The following ANXA11 variants were observed in gnomAD, a reference collection of about 807,000 sequenced individuals.
ANXA11 encodes the protein 56 kDa autoantigen.
In ANXA11, 57 loss-of-function variants were observed where a neutral mutation model predicts 64.7. The observed-to-expected ratio is 0.88, with a 90% CI of 0.71 to 1.10. ANXA11 has a LOEUF of 1.10. ANXA11 is among the 50% of genes least tolerant of loss of function. The probability of loss-of-function intolerance (pLI) is 0.00; values close to 1 mark genes in which losing one functional copy is unlikely to be tolerated. For synonymous variants in ANXA11, 260 were observed against 265.2 expected (o/e 0.98, Z 0.19); for missense variants, 675 against 670.7 (o/e 1.01, Z -0.07).
At chr10:80,199,625 G>A (rs1237519258) in intron 1 of ANXA11, among the ~76,000 whole-genome samples, 2 of 151,930 alleles carry the variant, frequency 1.3e-5, no homozygotes, top group East Asian at 1.9e-4. Flanking sequence ...GGGCAACATG[G>A]CAAAACCCCA....
chr10:80,165,851 CT>C (rs1352233984), intron 8 of ANXA11, among the ~76,000 whole-genome samples: 1 of 152,280 alleles, frequency 6.6e-6, no homozygotes, highest in East Asian at 1.9e-4. Flanking sequence ...CTGATGATGA[CT>C]GGTGCGTCAT....
chr10:80,178,014 G>A (rs1846229543), intron 1 of ANXA11, among the ~76,000 whole-genome samples: 1 of 152,120 alleles, frequency 6.6e-6, no homozygotes, highest in South Asian at 2.1e-4. Flanking sequence ...CAGTCTTCTG[G>A]TAACTGTGAC....
intron 2 of ANXA11, among the ~76,000 whole-genome samples, chr10:80,175,774 C>T (rs12777867): frequency 0.11 from 17,241 of 152,128 alleles, 1,202 homozygotes; most frequent in South Asian, 0.24. Flanking sequence ...ACACAGATGT[C>T]GGCTGGGCGC....
rs1391901363 is a variant in ANXA11 at position 80,166,160 on chromosome 10, T to C, written c.782A>G (p.Asn261Ser). 1 of 1,613,092 alleles carries C rather than the reference T, an allele frequency of 6.2e-7. No homozygotes were observed. The highest frequency in any genetic ancestry group is 1.1e-5 in the South Asian group (1 of 90,956). The change falls in exon 8 of 16, where the codon AAC becomes AGC. Residue 261 changes from asparagine (N) to serine (S), a missense_variant. Transcript: ENST00000422982. ...CAGAGCCAAGATTGTCTTCTCAAAG[T>C]TTCCTGACAGTTCAGATTTCAGATC... ...IKDLKSELSG[N>S]FEKTILALMK...
chr10:80,163,225 C>T (rs1481282176), intron 11 of ANXA11, 124 bp downstream of exon 11: 3 of 1,095,238 alleles, frequency 2.7e-6, no homozygotes, highest in Non-Finnish European at 4.1e-6. Context: ...GTCTGAAACT[C>T]ACAGCATCTG....
chr10:80,163,096 A>ACG (rs1845577573), intron 11 of ANXA11, among the ~76,000 whole-genome samples: 1 of 152,210 alleles, frequency 6.6e-6, no homozygotes, highest in African/African-American at 2.4e-5. Context: ...GTCCAAAACC[A>ACG]TGATCTATCA....
At position 80,158,031 on chromosome 10, in the gene ANXA11, A is replaced by G. The variant is rs1248670277; in HGVS notation, c.1277-6T>C. 3 of 1,614,036 alleles carry G rather than the reference A, an allele frequency of 1.9e-6. No homozygotes were observed. The highest frequency in any genetic ancestry group is 3.3e-5 in the Admixed American group (2 of 60,024). On this transcript the variant is annotated splice_polypyrimidine_tract_variant and splice_region_variant and intron_variant, in intron 13 of 15. Transcript: ENST00000422982. ...GGTATTCTTGAGACATTTCACTAGA[A>G]GAGAGAAACTCGGCATAACCAGATC...
At position 80,169,174 on chromosome 10, in the gene ANXA11, G is replaced by A. The variant is rs1378932816; in HGVS notation, c.356C>T (p.Ser119Leu). 6.3e-7 allele frequency: 1 copy of A among 1,592,922 alleles called. No homozygotes were observed. The highest frequency in any genetic ancestry group is 1.1e-5 in the South Asian group (1 of 88,578). Residue 119 changes from serine (S) to leucine (L), a missense_variant, in exon 5 of 16, where the codon TCA becomes TTA. Physicochemically the swap from Ser to Leu is moderately radical, Grantham distance 145. Transcript: ENST00000422982. ...AGGGGCCCCTGGGTATGGCGGATATGAGGGCATCCTGGAGGGTGGGTTTCC... is the reference window on the plus strand; with the variant it reads ...AGGGGCCCCTGGGTATGGCGGATATAAGGGCATCCTGGAGGGTGGGTTTCC... ...PGGNPPSRMP[S>L]YPPYPGAPVP...
rs1166321248 is a variant in ANXA11 at position 80,154,431 on chromosome 10, T to C, written c.*1422A>G. On this transcript the variant is annotated 3_prime_UTR_variant, in exon 16 of 16. Transcript: ENST00000422982. The stretch of plus-strand genomic sequence containing the variant: ...TTTTTAGTAGAGACAGGGGTCTCGC[T>C]GTTGGCTAGGCTAGTCTTGAACTCC... 2.0e-5 allele frequency: 3 copies of C among 152,208 alleles called. No individual in the cohort carries two copies. The highest frequency in any genetic ancestry group is 2.9e-5 in the Non-Finnish European group (2 of 68,056). 9.4% of individuals were successfully genotyped at this position (152,208 alleles called of 1,614,324 possible).
At chr10:80,166,585 C>T (rs1240907952) in intron 7 of ANXA11, 12 of 482,344 alleles carry the variant, frequency 2.5e-5, no homozygotes, top group Non-Finnish European at 3.7e-5. Context: ...AGCTAAACCC[C>T]CCAGGGTGGT....
intron 15 of ANXA11, 43 bp from the exon 16 acceptor site, chr10:80,155,955 G>T: frequency 6.3e-7 from 1 of 1,583,520 alleles, no homozygotes; most frequent in Non-Finnish European, 8.7e-7. Flanking sequence ...GGGAGGGACA[G>T]TCACTTTCAG....
chr10:80,193,155 T>C (rs771542165), intron 1 of ANXA11, among the ~76,000 whole-genome samples: 6 of 152,192 alleles, frequency 3.9e-5, no homozygotes, highest in Non-Finnish European at 5.9e-5. Context: ...ACAGGAAGGA[T>C]TGTACTCCTA....
chr10:80,199,781 C>T (rs1353624881), intron 1 of ANXA11, among the ~76,000 whole-genome samples: 2 of 152,218 alleles, frequency 1.3e-5, no homozygotes, highest in Non-Finnish European at 2.9e-5. Context: ...TTCTCTCTGG[C>T]ATTTGCCTTT....
intron 1 of ANXA11, among the ~76,000 whole-genome samples, chr10:80,197,981 T>A (rs1840249525): frequency 6.6e-6 from 1 of 151,406 alleles, no homozygotes; most frequent in African/African-American, 2.4e-5. Flanking sequence ...CTCGATCCCA[T>A]GGGGTCTGGA....
intron 2 of ANXA11, among the ~76,000 whole-genome samples, chr10:80,174,059 G>A (rs368200333): frequency 1.3e-5 from 2 of 152,190 alleles, no homozygotes; most frequent in South Asian, 4.2e-4. Flanking sequence ...GGGCATATTG[G>A]GTTTTGTTTG....
chr10:80,166,678 G>C lies in ANXA11; in HGVS notation c.744+212C>G. 5.2e-6 allele frequency: 3 copies of C among 582,022 alleles called. No individual in the cohort carries two copies. The Admixed American group carries it at 9.0e-5, about 18-fold the overall frequency. The allele number at this position is 582,022 out of a possible 1,614,324, so 36.1% of individuals were successfully genotyped here. On this transcript the variant is annotated intron_variant, in intron 7 of 15. Transcript: ENST00000422982. ...GAGCAAGGGCTAGAACCCAGGGATAGATGTCTGGAGCCTCTCAGCAAACCT... is the reference window on the plus strand; with the variant it reads ...GAGCAAGGGCTAGAACCCAGGGATACATGTCTGGAGCCTCTCAGCAAACCT...
At chr10:80,174,860 A>C (rs1202334403) in intron 2 of ANXA11, among the ~76,000 whole-genome samples, 2 of 152,182 alleles carry the variant, frequency 1.3e-5, no homozygotes, top group African/African-American at 4.8e-5. Context: ...CCCAGCCTAC[A>C]TGCTGTTTTT....
chr10:80,172,772 G>T, intron 3 of ANXA11, 35 bp downstream of exon 3: 7 of 1,602,350 alleles, frequency 4.4e-6, no homozygotes, highest in Non-Finnish European at 6.0e-6. Flanking sequence ...TACAGAGGCA[G>T]CATTCACTCT....
chr10:80,178,133 G>A (rs2788296), intron 1 of ANXA11, among the ~76,000 whole-genome samples: 95,926 of 151,792 alleles, frequency 0.63, 31,383 homozygotes, highest in African/African-American at 0.8. Flanking sequence ...TAAGGCCCTC[G>A]GGTCCCCCTC....
Sources: allele counts gnomAD v4.1 joint callset (sites outside exome capture counted in the v4.1 genomes callset), GRCh38; gene constraint gnomAD v4.1.1; transcripts MANE v1.5; gene names NCBI Gene and HGNC (gene_info 2026-07-23, HGNC 2026-07-21).